The following JMJD1C variants were observed in gnomAD, a reference collection of about 807,000 sequenced individuals.
JMJD1C encodes the protein jumonji domain containing 1C, also known as jumonji domain-containing protein 1C.
A neutral mutation model predicts 245.3 loss-of-function variants in JMJD1C; 31 were observed. That is an observed-to-expected ratio of 0.13 (90% CI 0.09 to 0.17). The LOEUF (loss-of-function observed/expected upper bound fraction) is 0.17. JMJD1C is among the 10% of genes least tolerant of loss of function. JMJD1C has a pLI of 1.00. For synonymous variants in JMJD1C, 1,057 were observed against 1,017.4 expected, an observed-to-expected ratio of 1.04 and a Z score of -0.74; for missense variants, 2,691 against 3,000.2, an observed-to-expected ratio of 0.90 and a Z score of 2.41.
At chr10:63,350,387 G>A (rs371186960) in intron 2 of JMJD1C, among the ~76,000 whole-genome samples, 18 of 152,046 alleles carry the variant, frequency 1.2e-4, no homozygotes, top group East Asian at 7.7e-4. Flanking sequence ...ACTACTGTTC[G>A]AAATAACTTT....
chr10:63,513,965 A>G (rs756861214), intron 1 of JMJD1C, among the ~76,000 whole-genome samples: 5 of 151,518 alleles, frequency 3.3e-5, no homozygotes, highest in African/African-American at 7.2e-5. Flanking sequence ...AAAAATGGGC[A>G]AAAACACATG....
chr10:63,438,044 C>G (rs1951156360), intron 1 of JMJD1C, among the ~76,000 whole-genome samples: 1 of 152,160 alleles, frequency 6.6e-6, no homozygotes, highest in African/African-American at 2.4e-5. Context: ...ATACTGACTA[C>G]TCCCAGATTC....
intron 22 of JMJD1C, among the ~76,000 whole-genome samples, chr10:63,179,401 C>A (rs1168230215): frequency 6.9e-6 from 1 of 144,656 alleles, no homozygotes; most frequent in Non-Finnish European, 1.5e-5. Context: ...AAGAGCAAAA[C>A]TCCATCTCAA....
At chr10:63,238,983 G>C in intron 3 of JMJD1C, among the ~76,000 whole-genome samples, 1 of 152,094 alleles carries the variant, frequency 6.6e-6, no homozygotes, top group East Asian at 1.9e-4. Flanking sequence ...GTATCCTCTA[G>C]GATACAAAGG....
chr10:63,465,362 C>T, intron 1 of JMJD1C, 133 bp downstream of exon 1: 1 of 956,032 alleles, frequency 1.0e-6, no homozygotes, highest in Non-Finnish European at 1.5e-6. Context: ...GCAAACGCGC[C>T]AAGGGTTCAG....
chr10:63,236,041 A>T (rs1454474457), intron 3 of JMJD1C, among the ~76,000 whole-genome samples: 1 of 152,234 alleles, frequency 6.6e-6, no homozygotes, highest in Non-Finnish European at 1.5e-5. Flanking sequence ...GAAAATCCTC[A>T]AGAGTAATTT....
chr10:63,356,984 T>A (rs1011965524), intron 2 of JMJD1C, among the ~76,000 whole-genome samples: 2 of 128,832 alleles, frequency 1.6e-5, no homozygotes, highest in African/African-American at 5.2e-5. Context: ...GAGAAAAATA[T>A]CTGGAACTTG....
At chr10:63,381,887 T>C (rs528675748) in intron 1 of JMJD1C, among the ~76,000 whole-genome samples, 53 of 152,264 alleles carry the variant, frequency 3.5e-4, no homozygotes, top group African/African-American at 9.9e-4. Flanking sequence ...TACTGATGAC[T>C]CTAGAAGGAG....
intron 2 of JMJD1C, among the ~76,000 whole-genome samples, chr10:63,292,711 G>C (rs938682421): frequency 2.6e-5 from 4 of 152,124 alleles, no homozygotes; most frequent in Middle Eastern, 3.4e-3. Context: ...TTTATTAACA[G>C]GATGATATAA....
intron 1 of JMJD1C, among the ~76,000 whole-genome samples, chr10:63,502,417 T>C (rs1489548505): frequency 6.6e-6 from 1 of 152,070 alleles, no homozygotes; most frequent in Non-Finnish European, 1.5e-5. Flanking sequence ...GGCAGGTGGA[T>C]CAAGAGGTCA....
In JMJD1C at chr10:63,207,129, C is replaced by G. The variant is rs762972926; in HGVS notation, c.4540G>C (p.Ala1514Pro). The G allele has an allele frequency of 3.1e-6, 5 of 1,614,164 alleles. No individual in the cohort carries two copies. The South Asian group carries it at 5.5e-5, about 18-fold the overall frequency. ...ACAGTGCTATCCAGAGGAAGGGAGGCTGAAAGTGTCTGATTTTTTATAGCA... is the reference window on the plus strand; with the variant it reads ...ACAGTGCTATCCAGAGGAAGGGAGGGTGAAAGTGTCTGATTTTTTATAGCA... ...PNAIKNQTLS[A>P]SLPLDSTVIC... Residue 1514 changes from alanine to proline, a missense_variant, in exon 10 of 26, where the codon GCC becomes CCC. This residue lies in a region of JMJD1C where 1,562 missense variants were observed against 1,490.7 expected (regional missense o/e 1.05). Coordinates refer to ENST00000399262, the MANE Select transcript of JMJD1C (RefSeq NM_032776.3).
intron 1 of JMJD1C, among the ~76,000 whole-genome samples, chr10:63,446,910 G>A (rs1187795247): frequency 6.6e-6 from 1 of 152,076 alleles, no homozygotes; most frequent in East Asian, 1.9e-4. Context: ...AGAAGCCAAA[G>A]ATAGAGACTA....
At chr10:63,271,457 C>T (rs1448214805) in intron 2 of JMJD1C, among the ~76,000 whole-genome samples, 2 of 152,094 alleles carry the variant, frequency 1.3e-5, no homozygotes, top group Non-Finnish European at 2.9e-5. Context: ...GGATTACAGG[C>T]GTGAGCCACC....
At chr10:63,261,181 A>C (rs979670389) in intron 3 of JMJD1C, among the ~76,000 whole-genome samples, 1 of 152,160 alleles carries the variant, frequency 6.6e-6, no homozygotes, top group East Asian at 1.9e-4. Flanking sequence ...TACTCTCTGA[A>C]AATGTTGGTT....
chr10:63,230,679 G>C (rs1456316392), intron 3 of JMJD1C, among the ~76,000 whole-genome samples: 1 of 151,762 alleles, frequency 6.6e-6, no homozygotes, highest in East Asian at 1.9e-4. Context: ...AGAGGCTGAG[G>C]CATGAGAATC....
At position 63,184,599 on chromosome 10, in the gene JMJD1C, T is replaced by G; in HGVS notation, c.6961+9A>C. 2 of 1,587,464 alleles carry G rather than the reference T, an allele frequency of 1.3e-6. No homozygotes were observed. Among genetic ancestry groups the G allele is most frequent in the Non-Finnish European group, 1.7e-6 (2 of 1,172,798 alleles). ...TTCCTACATGGGAGAAATGTGAATA[T>G]ATACCTACCATAGGCACTGCACAAC... On this transcript the variant is annotated intron_variant, in intron 21 of 25. Transcript: ENST00000399262.
At position 63,207,750 on chromosome 10, in the gene JMJD1C, C is replaced by T; in HGVS notation, c.3919G>A (p.Val1307Met). Reference protein sequence around the residue: ...KLQAAMASVIVRPSSSTKTDS... With the variant: ...KLQAAMASVIMRPSSSTKTDS... ...GTTTTTGTACTAGAAGATGGACGCA[C>T]AATGACAGATGCCATAGCAGCCTGT... The change falls in exon 10 of 26, where the codon GTG (valine) becomes ATG (methionine). Residue 1307 changes from valine to methionine, a missense_variant. Coordinates refer to ENST00000399262, the MANE Select transcript of JMJD1C (RefSeq NM_032776.3). The T allele has an allele frequency of 6.2e-7, 1 of 1,614,196 alleles. No individual in the cohort carries two copies. Among genetic ancestry groups the T allele is most frequent in the Non-Finnish European group, 8.5e-7 (1 of 1,180,020 alleles).
At chr10:63,323,532 G>T (rs1941160843) in intron 2 of JMJD1C, among the ~76,000 whole-genome samples, 1 of 151,948 alleles carries the variant, frequency 6.6e-6, no homozygotes, top group Non-Finnish European at 1.5e-5. Context: ...AAAGAAAGGG[G>T]GGAAAGAAAC....
At chr10:63,438,213 G>A (rs1951167291) in intron 1 of JMJD1C, among the ~76,000 whole-genome samples, 1 of 152,030 alleles carries the variant, frequency 6.6e-6, no homozygotes, top group Non-Finnish European at 1.5e-5. Flanking sequence ...TGCTCCTCCA[G>A]TCAATTCTCA....
Sources: gnomAD v4.1 joint callset for allele counts (sites outside exome capture counted in the v4.1 genomes callset) on GRCh38, gnomAD v4.1.1 for gene constraint, gnomAD v4.1.1 regional missense constraint, MANE v1.5 for transcripts, NCBI Gene and HGNC (gene_info 2026-07-23, HGNC 2026-07-21) for gene names.